The following GSAP variants were observed in gnomAD, a reference collection of about 807,000 sequenced individuals.
GSAP encodes the protein gamma-secretase activating protein.
GSAP carries 118 observed loss-of-function variants against 131.7 expected under a neutral mutation model. That is an observed-to-expected ratio of 0.90 (90% CI 0.77 to 1.04). The LOEUF (loss-of-function observed/expected upper bound fraction) is 1.04, where lower values mean the gene tolerates loss of function less well. GSAP is among the 50% of genes least tolerant of loss of function. The probability of loss-of-function intolerance (pLI) is 0.00; values close to 1 mark genes in which losing one functional copy is unlikely to be tolerated. For synonymous variants in GSAP, 381 were observed against 363.4 expected, an observed-to-expected ratio of 1.05 and a Z score of -0.55; for missense variants, 1,019 against 1,013.2, an observed-to-expected ratio of 1.01 and a Z score of -0.08.
chr7:77,360,675 T>C, intron 14 of GSAP, 149 bp downstream of exon 14: 1 of 546,740 alleles, frequency 1.8e-6, no homozygotes, highest in Non-Finnish European at 3.4e-6. Context: ...GAGAAAATCT[T>C]CTCTCATCAG....
intron 8 of GSAP, among the ~76,000 whole-genome samples, chr7:77,380,832 C>T (rs560542340): frequency 6.6e-6 from 1 of 152,238 alleles, no homozygotes; most frequent in East Asian, 1.9e-4. Flanking sequence ...CCATGATATG[C>T]ATATACGTAC....
chr7:77,343,547 C>G (rs1386096385), intron 19 of GSAP, among the ~76,000 whole-genome samples: 3 of 152,188 alleles, frequency 2.0e-5, no homozygotes, highest in African/African-American at 7.2e-5. Context: ...TGGAGTCATT[C>G]ACTGCAAAGG....
rs1584414106 is a variant in GSAP at position 77,349,292 on chromosome 7, C to A, written c.1545+59G>T. The A allele has an allele frequency of 3.8e-6, 5 of 1,321,796 alleles. No individual in the cohort carries two copies. The East Asian group carries it at 1.1e-4, about 30-fold the overall frequency. 81.9% of individuals were successfully genotyped at this position (1,321,796 alleles called of 1,614,324 possible). A position where few individuals can be genotyped will look rare whatever the true frequency, so the allele number is the denominator to read the frequency against. ...TCCCTTTTGGAACCACCATAATACT[C>A]AGGCAGCAGAGCTTTAGTCATGTAT... is the stretch of plus-strand genomic sequence containing the variant. On this transcript the variant is annotated intron_variant, in intron 19 of 30. Coordinates refer to ENST00000257626, the MANE Select transcript of GSAP (RefSeq NM_017439.4).
chr7:77,351,426 T>C (rs967529239), intron 18 of GSAP: 1 of 981,254 alleles, frequency 1.0e-6, no homozygotes, highest in Non-Finnish European at 1.2e-6. Flanking sequence ...ATTAAGGTTG[T>C]AGCATTAAGA....
At chr7:77,409,631 C>T (rs1035827055) in intron 1 of GSAP, among the ~76,000 whole-genome samples, 2 of 152,116 alleles carry the variant, frequency 1.3e-5, no homozygotes, top group African/African-American at 2.4e-5. Context: ...CTGTACACGA[C>T]TCAAAACTTC....
chr7:77,313,636 T>C (rs771925264), intron 27 of GSAP, 87 bp from the exon 28 acceptor site: 1 of 673,942 alleles, frequency 1.5e-6, no homozygotes, highest in South Asian at 1.8e-5. Context: ...GTGGTTCATC[T>C]TGATAGGACA....
intron 10 of GSAP, 33 bp downstream of exon 10, chr7:77,376,815 C>G: frequency 1.3e-6 from 1 of 741,818 alleles, no homozygotes; most frequent in Non-Finnish European, 2.3e-6. Flanking sequence ...GTATCATAAA[C>G]TTTCCTGTAG....
At chr7:77,405,498 T>C (rs1236865613) in intron 2 of GSAP, among the ~76,000 whole-genome samples, 1 of 152,206 alleles carries the variant, frequency 6.6e-6, no homozygotes, top group Non-Finnish European at 1.5e-5. Flanking sequence ...TATGCCTGTT[T>C]AGTTTTATTT....
intron 17 of GSAP, 131 bp downstream of exon 17, chr7:77,353,439 GTT>G (rs779344531): frequency 8.4e-6 from 5 of 592,234 alleles, no homozygotes; most frequent in African/African-American, 3.8e-5. Flanking sequence ...CTCCGATAGA[GTT>G]TTGTTTTTTT....
chr7:77,404,968 G>GA (rs527775405), intron 2 of GSAP, among the ~76,000 whole-genome samples: 220 of 152,282 alleles, frequency 1.4e-3, no homozygotes, highest in Non-Finnish European at 2.4e-3. Context: ...AAAACATTGT[G>GA]AATCACACAA....
Position 77,355,225 on chromosome 7 carries a change from G to A in GSAP, c.1326C>T (p.Phe442=). The A allele has an allele frequency of 6.2e-7, 1 of 1,609,920 alleles. No homozygotes were observed. The highest frequency in any genetic ancestry group is 8.5e-7 in the Non-Finnish European group (1 of 1,176,364). ...GCTATCTTCTCACCTGGGCTTCCAG[G>A]AACTGCGCACCTTGACCGCAGTAGA... ...CALYCGQGAQ[F]LEAQIIQWIS... is the part of the protein sequence containing the mutation. Residue 442 remains phenylalanine (F), a synonymous_variant, in exon 16 of 31, where the codon TTC becomes TTT. Transcript: ENST00000257626.
At chr7:77,353,473 G>T in intron 17 of GSAP, 99 bp downstream of exon 17, 1 of 670,336 alleles carries the variant, frequency 1.5e-6, no homozygotes, top group South Asian at 1.8e-5. Context: ...CTCCAAAGTA[G>T]CATTTGGACA....
intron 13 of GSAP, 53 bp downstream of exon 13, chr7:77,362,527 GCTA>G (rs1389405924): frequency 9.9e-6 from 9 of 906,474 alleles, no homozygotes; most frequent in Admixed American, 3.6e-5. Flanking sequence ...TATCTAATTT[GCTA>G]CTATTTGGAA....
chr7:77,377,285 C>A lies in GSAP; in HGVS notation c.681+1G>T. 7.2e-7 allele frequency: 1 copy of A among 1,386,280 alleles called. No homozygotes were observed. The highest frequency in any genetic ancestry group is 1.8e-5 in the South Asian group (1 of 55,582). 85.9% of individuals were successfully genotyped at this position (1,386,280 alleles called of 1,614,324 possible). On this transcript the variant is annotated splice_donor_variant, in intron 9 of 30. Transcript: ENST00000257626. LOFTEE classifies it high-confidence loss of function. ...GAGTGCCCGTGAACTAGTTTTTTTA[C>A]CTTCAGGTCAATGTAATATAATCTC... is the stretch of plus-strand genomic sequence containing the variant.
At chr7:77,412,876 G>A (rs558030481) in intron 1 of GSAP, among the ~76,000 whole-genome samples, 35 of 151,970 alleles carry the variant, frequency 2.3e-4, no homozygotes, top group Admixed American at 2.3e-3. Flanking sequence ...GTGTTAATAA[G>A]TACAACACTC....
chr7:77,392,441 G>A (rs1305029037), intron 5 of GSAP, among the ~76,000 whole-genome samples: 3 of 151,350 alleles, frequency 2.0e-5, no homozygotes, highest in Admixed American at 6.6e-5. Flanking sequence ...CCAGCTACTC[G>A]GGAAACTGAG....
chr7:77,404,475 T>C (rs1261504155), intron 3 of GSAP, 84 bp downstream of exon 3: 1 of 740,528 alleles, frequency 1.4e-6, no homozygotes, highest in African/African-American at 1.8e-5. Context: ...GAAAATAAAG[T>C]TGGAATTTAT....
intron 28 of GSAP, 95 bp from the exon 29 acceptor site, chr7:77,312,297 A>G (rs1794472161): frequency 3.2e-6 from 2 of 630,324 alleles, no homozygotes; most frequent in Non-Finnish European, 5.4e-6. Flanking sequence ...GTATTATTCC[A>G]AAGTAGCTGG....
rs534265154 is a variant in GSAP, at chr7:77,313,921, T to C, written c.2210-372A>G. Among the ~76,000 whole-genome samples, 228 of 152,340 alleles carry C rather than the reference T, an allele frequency of 1.5e-3. 1 individual carries two copies. Among genetic ancestry groups the C allele is most frequent in the African/African-American group, 5.1e-3 (213 of 41,594 alleles). ...CTCTCAATAATTTTCCTTGCATTTC[T>C]AGTCTAACTTTGAGATGACAGAGTT... On this transcript the variant is annotated intron_variant, in intron 27 of 30. Transcript: ENST00000257626.
Sources: gnomAD v4.1 joint callset for allele counts (sites outside exome capture counted in the v4.1 genomes callset) on GRCh38, gnomAD v4.1.1 for gene constraint, MANE v1.5 for transcripts, NCBI Gene and HGNC (gene_info 2026-07-23, HGNC 2026-07-21) for gene names.